Variants in ENTREP2 observed in about 807,000 individuals in gnomAD.
ENTREP2 encodes the protein endosomal transmembrane epsin interactor 2.
At chr15:29,216,975 G>A in the ENTREP2 span, among the ~76,000 whole-genome samples, 1 of 152,164 alleles carries the variant, frequency 6.6e-6, no homozygotes, top group Non-Finnish European at 1.5e-5. Flanking sequence ...CCCAAAGAAG[G>A]GGCTCGATTT....
At chr15:29,409,487 G>A in the ENTREP2 span, among the ~76,000 whole-genome samples, 49 of 151,940 alleles carry the variant, frequency 3.2e-4, no homozygotes, top group African/African-American at 1.1e-3. Flanking sequence ...CACCACACCC[G>A]GCTAATTTTT....
At chr15:29,566,125 T>C in the ENTREP2 span, among the ~76,000 whole-genome samples, 1 of 151,992 alleles carries the variant, frequency 6.6e-6, no homozygotes, top group East Asian at 1.9e-4. Context: ...ATACATTGTT[T>C]GTGTGTATGT....
At chr15:29,346,068 T>A in the ENTREP2 span, among the ~76,000 whole-genome samples, 1 of 152,120 alleles carries the variant, frequency 6.6e-6, no homozygotes, top group Non-Finnish European at 1.5e-5. Context: ...GAGCCAAGCA[T>A]CCCGCTCGGC....
the ENTREP2 span, among the ~76,000 whole-genome samples, chr15:29,490,391 GGAA>G: frequency 1.3e-3 from 201 of 151,606 alleles, no homozygotes; most frequent in African/African-American, 4.8e-3. Context: ...TCCACAACAT[GGAA>G]GAGAACCCAA....
the ENTREP2 span, among the ~76,000 whole-genome samples, chr15:29,504,520 G>C: frequency 2.6e-5 from 4 of 152,204 alleles, no homozygotes; most frequent in African/African-American, 9.6e-5. Context: ...GTTGGAAAAG[G>C]ACACGAGAGA....
the ENTREP2 span, among the ~76,000 whole-genome samples, chr15:29,609,393 A>G: frequency 6.7e-6 from 1 of 150,104 alleles, no homozygotes; most frequent in Non-Finnish European, 1.5e-5. Flanking sequence ...TTTAATTACC[A>G]TTGTAACAGT....
chr15:29,474,617 C>A, the ENTREP2 span, among the ~76,000 whole-genome samples: 1 of 151,966 alleles, frequency 6.6e-6, no homozygotes, highest in African/African-American at 2.4e-5. Context: ...TGCAGTGGTA[C>A]AATCTTGGCT....
At chr15:29,134,009 C>A in the ENTREP2 span, among the ~76,000 whole-genome samples, 1 of 152,152 alleles carries the variant, frequency 6.6e-6, no homozygotes, top group Non-Finnish European at 1.5e-5. Context: ...ACCTCGCATG[C>A]CTGATGCCCA....
At chr15:29,228,120 A>T in the ENTREP2 span, among the ~76,000 whole-genome samples, 1 of 152,052 alleles carries the variant, frequency 6.6e-6, no homozygotes, top group African/African-American at 2.4e-5. Context: ...TCAGTTTGAG[A>T]CCAGCCTGGC....
the ENTREP2 span, among the ~76,000 whole-genome samples, chr15:29,132,061 C>T: frequency 4.1e-5 from 6 of 146,152 alleles, no homozygotes; most frequent in East Asian, 2.1e-4. Flanking sequence ...CCCCCTGCCC[C>T]GCCCCAGAGT....
chr15:29,174,516 G>A, the ENTREP2 span, among the ~76,000 whole-genome samples: 2 of 151,970 alleles, frequency 1.3e-5, no homozygotes, highest in Admixed American at 6.6e-5. Flanking sequence ...GTGAAACCTC[G>A]TCTCTACTAA....
the ENTREP2 span, among the ~76,000 whole-genome samples, chr15:29,351,697 C>G: frequency 6.6e-6 from 1 of 152,082 alleles, no homozygotes; most frequent in Non-Finnish European, 1.5e-5. Flanking sequence ...GGCTGGAGTG[C>G]AGTCATTGCA....
At chr15:29,455,547 T>C in the ENTREP2 span, among the ~76,000 whole-genome samples, 55 of 152,352 alleles carry the variant, frequency 3.6e-4, no homozygotes, top group African/African-American at 1.3e-3. Flanking sequence ...TTTTTGTGTA[T>C]GATATTAGGT....
chr15:29,147,697 G>A, the ENTREP2 span, among the ~76,000 whole-genome samples: 1 of 152,214 alleles, frequency 6.6e-6, no homozygotes, highest in East Asian at 1.9e-4. Context: ...ATGGTCTCAC[G>A]GTGGGAATGT....
the ENTREP2 span, among the ~76,000 whole-genome samples, chr15:29,273,573 T>C: frequency 6.6e-6 from 1 of 152,136 alleles, no homozygotes; most frequent in African/African-American, 2.4e-5. Context: ...CAAAGTATTG[T>C]TCCTGGGTGT....
the ENTREP2 span, among the ~76,000 whole-genome samples, chr15:29,394,843 G>T: frequency 0.67 from 99,210 of 147,684 alleles, 34,505 homozygotes; most frequent in Admixed American, 0.77. Flanking sequence ...TAGGATAATG[G>T]TTTCAAGGTT....
the ENTREP2 span, among the ~76,000 whole-genome samples, chr15:29,467,263 C>T: frequency 3.3e-5 from 5 of 152,086 alleles, no homozygotes; most frequent in Admixed American, 2.6e-4. Flanking sequence ...GAACAATGGA[C>T]AAGAAAGGAA....
the ENTREP2 span, among the ~76,000 whole-genome samples, chr15:29,652,532 T>C: frequency 2.0e-5 from 3 of 152,238 alleles, no homozygotes; most frequent in Non-Finnish European, 4.4e-5. Context: ...AAAGAAGAGC[T>C]GAGGCCCTTT....
At chr15:29,598,184 G>A in the ENTREP2 span, among the ~76,000 whole-genome samples, 1 of 152,094 alleles carries the variant, frequency 6.6e-6, no homozygotes, top group Non-Finnish European at 1.5e-5. Flanking sequence ...CTTCCAAAGT[G>A]GCTGTACCAT....
Sources: allele counts gnomAD v4.1 joint callset (sites outside exome capture counted in the v4.1 genomes callset), GRCh38; gene constraint gnomAD v4.1.1; transcripts MANE v1.5; gene names NCBI Gene and HGNC (gene_info 2026-07-23, HGNC 2026-07-21).